SPTBN1: variants seen among roughly 807,000 people sequenced by gnomAD.
SPTBN1 encodes spectrin beta, non-erythrocytic 1, also known as spectrin beta chain, non-erythrocytic 1.
In SPTBN1, 32 loss-of-function variants were observed where a neutral mutation model predicts 266.4. That is an observed-to-expected ratio of 0.12 (90% CI 0.09 to 0.16). The LOEUF is 0.16. SPTBN1 is among the 10% of genes least tolerant of loss of function. The probability of loss-of-function intolerance (pLI) is 1.00; values close to 1 mark genes in which losing one functional copy is unlikely to be tolerated. For missense variants in SPTBN1, 2,296 were observed against 3,067.1 expected, an observed-to-expected ratio of 0.75 and a Z score of 5.94; for synonymous variants, 1,336 against 1,162.2, an observed-to-expected ratio of 1.15 and a Z score of -3.04.
intron 2 of SPTBN1, among the ~76,000 whole-genome samples, chr2:54,569,980 C>CG (rs1204253534): frequency 6.7e-6 from 1 of 149,234 alleles, no homozygotes; most frequent in Non-Finnish European, 1.5e-5. Flanking sequence ...TTCCCCCCCC[C>CG]CTTTAGAAAG....
rs762100834 is a variant in SPTBN1, at chr2:54,501,358, A to G, written c.-47-25014A>G. On this transcript the variant is annotated intron_variant, in intron 1 of 35. Coordinates refer to ENST00000356805, the MANE Select transcript of SPTBN1 (RefSeq NM_003128.3). ...GTTTGTAATTAGCTAACTAAGACTG[A>G]CAAATACCAGACCAGTTGCTATATA... Among the ~76,000 whole-genome samples the G allele has an allele frequency of 1.5e-3, 231 of 152,216 alleles. No homozygotes were observed. The Middle Eastern group carries it at 0.02, about 13-fold the overall frequency.
chr2:54,665,865 A>C, intron 33 of SPTBN1, 50 bp from the exon 34 acceptor site: 1 of 1,555,004 alleles, frequency 6.4e-7, no homozygotes, highest in East Asian at 2.3e-5. Flanking sequence ...CTTTAAGGGG[A>C]ATGTGGTAGA....
chr2:54,567,942 A>G (rs1459491281), intron 2 of SPTBN1, among the ~76,000 whole-genome samples: 1 of 152,136 alleles, frequency 6.6e-6, no homozygotes, highest in Non-Finnish European at 1.5e-5. Flanking sequence ...GAAATAGGGG[A>G]CTTAGAACCT....
At position 54,628,760 on chromosome 2, in the gene SPTBN1, TCTA is replaced by T. The variant is rs1209502656; in HGVS notation, c.1799-172_1799-170del. On this transcript the variant is annotated intron_variant, in intron 13 of 35. Transcript: ENST00000356805. The surrounding 1 kb of genome is among the most constrained non-coding windows in gnomAD (Gnocchi z 4.3). ...TGTTTATCATTGCCCTCACTCCTGT[TCTA>T]GTCAAGTTGTTAGAAGGTGCTCCAT... is the stretch of plus-strand genomic sequence containing the variant. Among the ~76,000 whole-genome samples, 1 of 152,234 alleles carries T rather than the reference TCTA, an allele frequency of 6.6e-6. No homozygotes were observed. The highest frequency in any genetic ancestry group is 1.5e-5 in the Non-Finnish European group (1 of 68,040).
chr2:54,619,711 A>AT (rs1330737601), intron 7 of SPTBN1, among the ~76,000 whole-genome samples: 1 of 152,066 alleles, frequency 6.6e-6, no homozygotes, highest in African/African-American at 2.4e-5. Context: ...CTACACTGGC[A>AT]TTTTTTCTGG....
intron 2 of SPTBN1, among the ~76,000 whole-genome samples, chr2:54,589,015 T>C (rs1210877262): frequency 2.0e-5 from 3 of 152,228 alleles, no homozygotes; most frequent in African/African-American, 7.2e-5. Flanking sequence ...TGATGCTTAA[T>C]AATCACATCG....
chr2:54,562,023 C>T (rs942842139), intron 2 of SPTBN1, among the ~76,000 whole-genome samples: 1 of 152,112 alleles, frequency 6.6e-6, no homozygotes, highest in Admixed American at 6.6e-5. Flanking sequence ...CCCACCCCTT[C>T]CTCTTTTTCT....
At chr2:54,622,275 CA>C in intron 8 of SPTBN1, 24 bp from the exon 9 acceptor site, 15 of 1,574,020 alleles carry the variant, frequency 9.5e-6, no homozygotes, top group Non-Finnish European at 1.3e-5. Flanking sequence ...ATGATCTTTT[CA>C]ATTTTTCTAT....
intron 1 of SPTBN1, among the ~76,000 whole-genome samples, chr2:54,522,484 A>C (rs1670499645): frequency 6.6e-6 from 1 of 151,826 alleles, no homozygotes; most frequent in Admixed American, 6.6e-5. Context: ...TACAAAAATT[A>C]GTCAGGCATG....
chr2:54,558,613 C>CT lies in SPTBN1; in HGVS notation c.148+32049dup, dbSNP rs1304463881. The CT allele has an allele frequency of 7.0e-7, 1 of 1,435,752 alleles. No homozygotes were observed. The highest frequency in any genetic ancestry group is 2.7e-5 in the East Asian group (1 of 37,240). 88.9% of individuals were successfully genotyped at this position (1,435,752 alleles called of 1,614,324 possible). On this transcript the variant is annotated intron_variant, in intron 2 of 35. Coordinates refer to ENST00000356805, the MANE Select transcript of SPTBN1 (RefSeq NM_003128.3). The surrounding 1 kb of genome is among the most constrained non-coding windows in gnomAD (Gnocchi z 4.6). ...TCCTCGCGGAGCTAAGGTGGACTCT[C>CT]TTGCAGCCAACTTCCCATCAGATCA...
chr2:54,592,473 C>T (rs1675744967), intron 2 of SPTBN1, among the ~76,000 whole-genome samples: 2 of 152,226 alleles, frequency 1.3e-5, no homozygotes, highest in Non-Finnish European at 2.9e-5. Context: ...CAACCTCTGC[C>T]TCCCGGGTTC....
At chr2:54,614,620 T>C (rs1275381667) in intron 4 of SPTBN1, among the ~76,000 whole-genome samples, 3 of 151,954 alleles carry the variant, frequency 2.0e-5, no homozygotes, top group Non-Finnish European at 4.4e-5. Context: ...CTGGCCAACA[T>C]GACGATACCC....
At position 54,670,935 on chromosome 2, in the gene SPTBN1, G is replaced by A. The variant is rs1406444293; in HGVS notation, c.*2366G>A. 2.3e-5 allele frequency: 9 copies of A among 397,542 alleles called. No individual in the cohort carries two copies. The highest frequency in any genetic ancestry group is 6.2e-4 in the Middle Eastern group (1 of 1,610). The allele number at this position is 397,542 out of a possible 1,614,324, so 24.6% of individuals were successfully genotyped here. A position where few individuals can be genotyped will look rare whatever the true frequency, so the allele number is the denominator to read the frequency against. ...GCCTGATGAGCTTCAAGCCTGGCAG[G>A]GTAAATAGTTTTTGGGTTTTTTGTT... On this transcript the variant is annotated 3_prime_UTR_variant, in exon 36 of 36. Coordinates refer to ENST00000356805, the MANE Select transcript of SPTBN1 (RefSeq NM_003128.3).
intron 19 of SPTBN1, 28 bp downstream of exon 19, chr2:54,643,157 G>C: frequency 1.2e-6 from 2 of 1,612,974 alleles, no homozygotes; most frequent in Non-Finnish European, 1.7e-6. Flanking sequence ...ATGTGGCCAT[G>C]GTGAGAAAAC....
At chr2:54,563,266 A>G (rs1673440351) in intron 2 of SPTBN1, among the ~76,000 whole-genome samples, 1 of 152,178 alleles carries the variant, frequency 6.6e-6, no homozygotes, top group African/African-American at 2.4e-5. Context: ...TGAAGTTGTA[A>G]TGTAGACAGG....
chr2:54,520,665 A>C (rs1394553622), intron 1 of SPTBN1, among the ~76,000 whole-genome samples: 13 of 80,154 alleles, frequency 1.6e-4, no homozygotes, highest in East Asian at 4.5e-4. Context: ...ATGCCACCCC[A>C]CCCCCCACCC....
chr2:54,666,246 T>G (rs1412519150), intron 34 of SPTBN1, among the ~76,000 whole-genome samples, 158 bp downstream of exon 34: 1 of 152,174 alleles, frequency 6.6e-6, no homozygotes, highest in African/African-American at 2.4e-5. Flanking sequence ...CGTGTCTCGG[T>G]TAGGCTGAAT....
rs748530738 is a variant in SPTBN1, at chr2:54,618,733, G to A, written c.763+540G>A. On this transcript the variant is annotated intron_variant, in intron 7 of 35. Transcript: ENST00000356805. ...TTGCAGGCAGGGGCCTTGTTAGGAGGCTGTGCTTTGCTTATGAGCAAGTAA... is the reference window on the plus strand; with the variant it reads ...TTGCAGGCAGGGGCCTTGTTAGGAGACTGTGCTTTGCTTATGAGCAAGTAA... 5.1e-4 allele frequency among the ~76,000 whole-genome samples: 77 copies of A among 152,302 alleles called. 2 individuals are homozygous for A. Among genetic ancestry groups the A allele is most frequent in the African/African-American group, 1.6e-3 (68 of 41,572 alleles).
intron 1 of SPTBN1, among the ~76,000 whole-genome samples, chr2:54,506,995 T>C (rs1047970563): frequency 1.3e-5 from 2 of 151,462 alleles, no homozygotes; most frequent in African/African-American, 4.9e-5. Flanking sequence ...TTATCATTAG[T>C]TCTTACAGGT....
Sources: gnomAD v4.1 joint callset for allele counts (sites outside exome capture counted in the v4.1 genomes callset) on GRCh38, gnomAD v4.1.1 for gene constraint, Gnocchi (gnomAD v3.1) non-coding constraint, MANE v1.5 for transcripts, NCBI Gene and HGNC (gene_info 2026-07-23, HGNC 2026-07-21) for gene names.